The following GABRA3 variants were observed in gnomAD, a reference collection of about 807,000 sequenced individuals.
The protein encoded by GABRA3 is gamma-aminobutyric acid receptor subunit alpha-3.
Under a neutral mutation model 30.1 loss-of-function variants are expected in GABRA3, and 10 were observed. The observed-to-expected ratio is 0.33, with a 90% CI of 0.20 to 0.56. GABRA3 has a LOEUF of 0.56. Among genes scored for constraint, GABRA3 ranks in the 20% least tolerant of loss-of-function variants. GABRA3 has a pLI of 0.89. For synonymous variants in GABRA3, 151 were observed against 146.8 expected, an observed-to-expected ratio of 1.03 and a Z score of -0.21; for missense variants, 233 against 392.0, an observed-to-expected ratio of 0.59 and a Z score of 3.42.
intron 9 of GABRA3, among the ~76,000 whole-genome samples, chrX:152,185,243 G>A (rs1336997766): frequency 9.0e-6 from 1 of 111,355 alleles, no homozygotes; most frequent in Non-Finnish European, 1.9e-5. Context: ...GTACATTAGA[G>A]ATCCATTTTT....
At chrX:152,183,646 T>G (rs1461219755) in intron 9 of GABRA3, among the ~76,000 whole-genome samples, 1 of 111,577 alleles carries the variant, frequency 9.0e-6, no homozygotes, top group East Asian at 2.8e-4. Context: ...AAAGTTAGAT[T>G]GCTTATTTGA....
intron 3 of GABRA3, among the ~76,000 whole-genome samples, chrX:152,290,978 G>T (rs1025170450): frequency 3.9e-4 from 44 of 111,682 alleles, no homozygotes; most frequent in Non-Finnish European, 8.1e-4. Flanking sequence ...TTTGGCTTAG[G>T]ATTATCTTGG....
At chrX:152,192,497 A>G (rs1488443204) in intron 8 of GABRA3, among the ~76,000 whole-genome samples, 1 of 111,314 alleles carries the variant, frequency 9.0e-6, no homozygotes, top group African/African-American at 3.3e-5. Context: ...AGAGTTAATA[A>G]TGTTCTTTTC....
intron 3 of GABRA3, among the ~76,000 whole-genome samples, chrX:152,344,937 A>G (rs1212007005): frequency 4.5e-5 from 5 of 111,984 alleles, no homozygotes; most frequent in African/African-American, 1.6e-4. Flanking sequence ...ATTAGATTAC[A>G]TTTTGTGAAT....
At chrX:152,202,503 G>A in intron 7 of GABRA3, among the ~76,000 whole-genome samples, 1 of 111,574 alleles carries the variant, frequency 9.0e-6, no homozygotes, top group East Asian at 2.8e-4. Context: ...AAGATTATGT[G>A]TGTGTGTGTA....
chrX:152,206,173 G>A (rs62610382), intron 7 of GABRA3, among the ~76,000 whole-genome samples: 16,363 of 112,255 alleles, frequency 0.15, 1,096 homozygotes, highest in Middle Eastern at 0.28. Flanking sequence ...TGCTCACTCT[G>A]AGGAGGAAAT....
At chrX:152,210,531 A>G (rs1256697115) in intron 6 of GABRA3, among the ~76,000 whole-genome samples, 2 of 112,150 alleles carry the variant, frequency 1.8e-5, no homozygotes, top group Non-Finnish European at 3.8e-5. Flanking sequence ...CCTCATCTAC[A>G]AGGGATGGTC....
intron 5 of GABRA3, among the ~76,000 whole-genome samples, chrX:152,243,394 A>T (rs1486229189): frequency 8.9e-6 from 1 of 112,076 alleles, no homozygotes; most frequent in Non-Finnish European, 1.9e-5. Flanking sequence ...AATTAGCTTG[A>T]TTTAGCTATT....
At chrX:152,232,311 A>G (rs1938096656) in intron 5 of GABRA3, among the ~76,000 whole-genome samples, 1 of 110,359 alleles carries the variant, frequency 9.1e-6, no homozygotes, top group Non-Finnish European at 1.9e-5. Flanking sequence ...ATTTTGTTAC[A>G]CAGATATATT....
intron 4 of GABRA3, among the ~76,000 whole-genome samples, chrX:152,279,791 A>C (rs752766632): frequency 1.4e-4 from 16 of 110,821 alleles, no homozygotes; most frequent in Admixed American, 7.7e-4. Flanking sequence ...TTTCATTGAG[A>C]AGTGGTTTGT....
At chrX:152,359,391 G>A (rs892085943) in intron 2 of GABRA3, among the ~76,000 whole-genome samples, 17 of 110,738 alleles carry the variant, frequency 1.5e-4, no homozygotes, top group African/African-American at 4.6e-4. Flanking sequence ...TTTCTCTGGG[G>A]TCAGCAGTAA....
chrX:152,382,698 T>C (rs1198862342), intron 1 of GABRA3, among the ~76,000 whole-genome samples: 3 of 111,756 alleles, frequency 2.7e-5, no homozygotes, highest in Non-Finnish European at 5.6e-5. Flanking sequence ...TTTTTTAATA[T>C]GGTGTGAGAT....
intron 4 of GABRA3, among the ~76,000 whole-genome samples, chrX:152,268,262 C>T (rs1938865012): frequency 8.9e-6 from 1 of 111,766 alleles, no homozygotes; most frequent in African/African-American, 3.3e-5. Context: ...ATCTCACCTT[C>T]AATTGTAATA....
chrX:152,235,995 T>A (rs1387700843), intron 5 of GABRA3, among the ~76,000 whole-genome samples: 12 of 105,547 alleles, frequency 1.1e-4, no homozygotes, highest in South Asian at 4.1e-4. Flanking sequence ...ATTTTTTTTT[T>A]AATTTTTTTT....
chrX:152,207,028 C>T (rs956808820), intron 7 of GABRA3, among the ~76,000 whole-genome samples: 1 of 111,829 alleles, frequency 8.9e-6, no homozygotes, highest in East Asian at 2.8e-4. Flanking sequence ...AATAGCCTTT[C>T]CCCACACTAA....
chrX:152,184,493 G>A (rs755502136), intron 9 of GABRA3, among the ~76,000 whole-genome samples: 20 of 111,421 alleles, frequency 1.8e-4, no homozygotes, highest in Middle Eastern at 4.6e-3. Context: ...AGCTTCTTTA[G>A]AAGAGCAACC....
intron 1 of GABRA3, among the ~76,000 whole-genome samples, chrX:152,382,680 G>T (rs1471229039): frequency 1.8e-5 from 2 of 111,253 alleles, no homozygotes; most frequent in Non-Finnish European, 3.8e-5. Flanking sequence ...CTAATCTATT[G>T]GAGCTGATTT....
chrX:152,396,974 G>C (rs1929676493), intron 1 of GABRA3, among the ~76,000 whole-genome samples: 1 of 111,912 alleles, frequency 8.9e-6, no homozygotes, highest in Non-Finnish European at 1.9e-5. Context: ...TGCTTGCTTG[G>C]ATACCTAAGC....
At chrX:152,191,403 T>G (rs769852126) in intron 8 of GABRA3, among the ~76,000 whole-genome samples, 2 of 110,038 alleles carry the variant, frequency 1.8e-5, no homozygotes, top group Non-Finnish European at 3.8e-5. Flanking sequence ...TTTGCCCATC[T>G]ATGAATATTC....
Sources: gnomAD v4.1 joint callset for allele counts (sites outside exome capture counted in the v4.1 genomes callset) on GRCh38, gnomAD v4.1.1 for gene constraint, MANE v1.5 for transcripts, NCBI Gene and HGNC (gene_info 2026-07-23, HGNC 2026-07-21) for gene names.